The following ITFG1 variants were observed in gnomAD, a reference collection of about 807,000 sequenced individuals.
ITFG1 encodes the protein T-cell immunomodulatory protein.
A neutral mutation model predicts 81.8 loss-of-function variants in ITFG1; 34 were observed. That is an observed-to-expected ratio of 0.42 (90% CI 0.32 to 0.55). The LOEUF (loss-of-function observed/expected upper bound fraction) is 0.55. Ranked by LOEUF, ITFG1 falls within the 20% of genes least tolerant of loss-of-function variation. The pLI, the probability that ITFG1 is intolerant of heterozygous loss-of-function variation, is 0.17. For synonymous variants in ITFG1, 285 were observed against 270.6 expected (o/e 1.05, Z -0.52); for missense variants, 672 against 755.4 (o/e 0.89, Z 1.29).
intron 6 of ITFG1, among the ~76,000 whole-genome samples, chr16:47,427,199 G>A (rs1326968266): frequency 1.3e-5 from 2 of 152,184 alleles, no homozygotes; most frequent in African/African-American, 2.4e-5. Flanking sequence ...AACCATTAGA[G>A]AATACTGTAA....
At chr16:47,357,614 C>CA (rs75054901) in intron 8 of ITFG1, among the ~76,000 whole-genome samples, 12,720 of 60,200 alleles carry the variant, frequency 0.21, 1,013 homozygotes, top group Middle Eastern at 0.27. Flanking sequence ...GACTCCGTCT[C>CA]AAAAAAAAAA....
intron 5 of ITFG1, among the ~76,000 whole-genome samples, chr16:47,438,261 C>T (rs570759667): frequency 2.0e-5 from 3 of 152,226 alleles, no homozygotes; most frequent in African/African-American, 7.2e-5. Flanking sequence ...CCGCTGGGGG[C>T]AGGGCACAGA....
At chr16:47,308,235 C>G (rs1967201184) in intron 10 of ITFG1, among the ~76,000 whole-genome samples, 1 of 152,188 alleles carries the variant, frequency 6.6e-6, no homozygotes, top group South Asian at 2.1e-4. Context: ...TCCACAGTGG[C>G]TCGACTAATC....
chr16:47,199,295 A>AAACCAAACCAAAC (rs1567421278), intron 14 of ITFG1, among the ~76,000 whole-genome samples: 7 of 24,102 alleles, frequency 2.9e-4, no homozygotes, highest in African/African-American at 9.4e-4. Flanking sequence ...CCAAACCAAA[A>AAACCAAACCAAAC]CAAAAAAACC....
chr16:47,298,307 A>G (rs1967015651), intron 10 of ITFG1, among the ~76,000 whole-genome samples: 1 of 151,960 alleles, frequency 6.6e-6, no homozygotes. Flanking sequence ...TTAAATTGGT[A>G]TTTTGATTAT....
In ITFG1 at chr16:47,361,602, T is replaced by G. The variant is rs548748006; in HGVS notation, c.802+4186A>C. ...TTAGGTATGAGAGACATTTATGGGTTGCAGATGTTCCAAATATGAGACCAG... is the reference window on the plus strand; with the variant it reads ...TTAGGTATGAGAGACATTTATGGGTGGCAGATGTTCCAAATATGAGACCAG... On this transcript the variant is annotated intron_variant, in intron 8 of 17. Transcript: ENST00000320640. 6.2e-4 allele frequency among the ~76,000 whole-genome samples: 94 copies of G among 152,248 alleles called. No individual in the cohort carries two copies. The East Asian group carries it at 0.012, about 19-fold the overall frequency.
chr16:47,337,334 G>A (rs1967719823), intron 8 of ITFG1, among the ~76,000 whole-genome samples: 1 of 152,054 alleles, frequency 6.6e-6, no homozygotes, highest in Admixed American at 6.6e-5. Context: ...CACTTTGGGA[G>A]GCCGAGGCAG....
intron 8 of ITFG1, among the ~76,000 whole-genome samples, chr16:47,347,098 T>C (rs1288396790): frequency 1.3e-5 from 2 of 152,212 alleles, no homozygotes; most frequent in Admixed American, 6.5e-5. Flanking sequence ...ACAGCTGCAG[T>C]CTACAGCTCC....
At chr16:47,410,220 T>C (rs1968792510) in intron 6 of ITFG1, among the ~76,000 whole-genome samples, 2 of 152,080 alleles carry the variant, frequency 1.3e-5, no homozygotes, top group South Asian at 4.1e-4. Context: ...TTGAGGCTCC[T>C]GTGAGCTGTG....
intron 6 of ITFG1, among the ~76,000 whole-genome samples, chr16:47,424,442 A>C (rs1596974968): frequency 6.6e-6 from 1 of 152,302 alleles, no homozygotes; most frequent in East Asian, 1.9e-4. Context: ...TCAACTCATC[A>C]AACTCATTCT....
intron 8 of ITFG1, among the ~76,000 whole-genome samples, chr16:47,350,967 T>C (rs1596920018): frequency 6.6e-6 from 1 of 152,060 alleles, no homozygotes; most frequent in East Asian, 1.9e-4. Flanking sequence ...CAAAACCACG[T>C]CATTTCAATA....
intron 6 of ITFG1, among the ~76,000 whole-genome samples, chr16:47,417,603 T>C (rs1400340902): frequency 2.6e-5 from 4 of 152,218 alleles, no homozygotes; most frequent in Non-Finnish European, 5.9e-5. Flanking sequence ...ATAAACTCTT[T>C]TAGCTCCCAT....
chr16:47,214,783 T>C (rs138873965), intron 14 of ITFG1, among the ~76,000 whole-genome samples: 18 of 152,184 alleles, frequency 1.2e-4, no homozygotes, highest in African/African-American at 4.1e-4. Flanking sequence ...CTGTAAGCAA[T>C]AGGATAATTG....
chr16:47,441,539 AC>A (rs1428911317), intron 5 of ITFG1, among the ~76,000 whole-genome samples: 1 of 152,216 alleles, frequency 6.6e-6, no homozygotes, highest in Non-Finnish European at 1.5e-5. Context: ...GAAAATAAAT[AC>A]ACGCAATCCA....
intron 7 of ITFG1, among the ~76,000 whole-genome samples, chr16:47,367,540 T>C (rs1596934467): frequency 6.6e-6 from 1 of 152,238 alleles, no homozygotes; most frequent in African/African-American, 2.4e-5. Context: ...AGAAGTTCTA[T>C]GTTAGGAAGT....
intron 6 of ITFG1, among the ~76,000 whole-genome samples, chr16:47,427,530 C>T (rs749300517): frequency 1.3e-5 from 2 of 152,122 alleles, no homozygotes; most frequent in African/African-American, 2.4e-5. Context: ...TGGCAGCATG[C>T]GCTTGTAGTC....
At chr16:47,305,473 T>C (rs564816927) in intron 10 of ITFG1, among the ~76,000 whole-genome samples, 22 of 152,088 alleles carry the variant, frequency 1.4e-4, no homozygotes, top group Non-Finnish European at 2.8e-4. Context: ...CCTCATGTGT[T>C]CTAATATGAG....
intron 16 of ITFG1, among the ~76,000 whole-genome samples, chr16:47,160,786 A>G (rs909261670): frequency 1.1e-4 from 16 of 152,094 alleles, no homozygotes; most frequent in Non-Finnish European, 2.9e-5. Flanking sequence ...GTACTTGCCA[A>G]TTTTCATGGA....
intron 8 of ITFG1, among the ~76,000 whole-genome samples, chr16:47,338,574 C>A (rs1967739865): frequency 6.6e-6 from 1 of 151,678 alleles, no homozygotes; most frequent in Admixed American, 6.6e-5. Context: ...AAATTTATAG[C>A]CTATTCAAAG....
Sources: allele counts gnomAD v4.1 joint callset (sites outside exome capture counted in the v4.1 genomes callset), GRCh38; gene constraint gnomAD v4.1.1; transcripts MANE v1.5; gene names NCBI Gene and HGNC (gene_info 2026-07-23, HGNC 2026-07-21).